Variants in KMT2C observed in about 807,000 individuals in gnomAD.
KMT2C encodes histone-lysine N-methyltransferase 2C.
Under a neutral mutation model 507.9 loss-of-function variants are expected in KMT2C, and 88 were observed. The observed-to-expected ratio is 0.17, with a 90% CI of 0.15 to 0.21. KMT2C has a LOEUF of 0.21. Ranked by LOEUF, KMT2C falls within the 10% of genes least tolerant of loss-of-function variation. The probability of loss-of-function intolerance (pLI) is 1.00; values close to 1 mark genes in which losing one functional copy is unlikely to be tolerated. For missense variants in KMT2C, 4,954 were observed against 5,957.8 expected (o/e 0.83, Z 5.55); for synonymous variants, 2,049 against 2,080.8 (o/e 0.98, Z 0.42).
chr7:152,371,408 A>G (rs2097292390), intron 1 of KMT2C, among the ~76,000 whole-genome samples: 1 of 152,176 alleles, frequency 6.6e-6, no homozygotes, highest in African/African-American at 2.4e-5. Context: ...AAAAGAACCA[A>G]CGCATATCAC....
intron 1 of KMT2C, among the ~76,000 whole-genome samples, chr7:152,387,810 T>C (rs2097445764): frequency 6.6e-6 from 1 of 152,076 alleles, no homozygotes; most frequent in Admixed American, 6.6e-5. Flanking sequence ...TGCCTATGTC[T>C]GTATTTTTTT....
intron 25 of KMT2C, among the ~76,000 whole-genome samples, chr7:152,203,441 G>T (rs1046272112): frequency 6.6e-6 from 1 of 152,020 alleles, no homozygotes; most frequent in East Asian, 1.9e-4. Flanking sequence ...TTTGTAGGGT[G>T]TATTGAGAAT....
intron 56 of KMT2C, 96 bp from the exon 57 acceptor site, chr7:152,139,355 G>A (rs868083672): frequency 9.1e-7 from 1 of 1,101,346 alleles, no homozygotes. Flanking sequence ...AAACTGAACG[G>A]AACGGCAGCC....
At position 152,136,860 on chromosome 7, in the gene KMT2C, G is replaced by A. The variant is rs2129088172; in HGVS notation, c.14708C>T (p.Ala4903Val). Residue 4903 changes from alanine (A) to valine (V), a missense_variant, in exon 59 of 59, where the codon GCT becomes GTT. Around this residue, in one of 29 missense-constraint regions of KMT2C, gnomAD observed 133 missense variants for 258.9 expected, o/e 0.51. Coordinates refer to ENST00000262189, the MANE Select transcript of KMT2C (RefSeq NM_170606.3). ...DQHKIPCHCG[A>V]VNCRKWMN Reference sequence around the variant, plus strand: ...GTTCATCCACTTCCGGCAGTTCACAGCTCCACAGTGACACGGAATCTTGTG... The same window carrying A: ...GTTCATCCACTTCCGGCAGTTCACAACTCCACAGTGACACGGAATCTTGTG... 1 of 1,613,596 alleles carries A rather than the reference G, an allele frequency of 6.2e-7. No homozygotes were observed. The highest frequency in any genetic ancestry group is 1.1e-5 in the South Asian group (1 of 91,080).
At chr7:152,288,252 G>A (rs374873367) in intron 6 of KMT2C, among the ~76,000 whole-genome samples, 1 of 147,506 alleles carries the variant, frequency 6.8e-6, no homozygotes, top group Admixed American at 6.7e-5. Context: ...AAAAAAAAGT[G>A]GCCAGGTGCG....
At position 152,249,875 on chromosome 7, in the gene KMT2C, C is replaced by A; in HGVS notation, c.1813+1G>T. On this transcript the variant is annotated splice_donor_variant, in intron 13 of 58. Coordinates refer to ENST00000262189, the MANE Select transcript of KMT2C (RefSeq NM_170606.3). LOFTEE classifies it high-confidence loss of function. ...TTAGACAATATGAACATACTGCTTA[C>A]CAGCAATAAGAAGACTATCTGTGTC... 1.3e-6 allele frequency: 2 copies of A among 1,539,952 alleles called. No homozygotes were observed. Among genetic ancestry groups the A allele is most frequent in the Non-Finnish European group, 1.8e-6 (2 of 1,113,084 alleles).
intron 18 of KMT2C, among the ~76,000 whole-genome samples, chr7:152,228,673 C>T (rs572474387): frequency 1.3e-5 from 2 of 152,260 alleles, no homozygotes; most frequent in East Asian, 3.9e-4. Context: ...AAATACATTA[C>T]TATCTTGAAA....
intron 6 of KMT2C, among the ~76,000 whole-genome samples, chr7:152,301,080 G>A (rs949934975): frequency 6.6e-6 from 1 of 150,972 alleles, no homozygotes; most frequent in Non-Finnish European, 1.5e-5. Flanking sequence ...AAACTATAAA[G>A]GGCTGGGCGC....
intron 1 of KMT2C, among the ~76,000 whole-genome samples, chr7:152,418,902 G>C (rs2097762266): frequency 6.6e-6 from 1 of 151,766 alleles, no homozygotes; most frequent in African/African-American, 2.4e-5. Context: ...GTTTGAAAGA[G>C]AATAGGTCAG....
chr7:152,388,644 A>G (rs2097457206), intron 1 of KMT2C, among the ~76,000 whole-genome samples: 1 of 152,310 alleles, frequency 6.6e-6, no homozygotes, highest in Non-Finnish European at 1.5e-5. Flanking sequence ...ACTGAGTTCT[A>G]ACCTGAAGAA....
chr7:152,211,601 T>C (rs1328471363), intron 23 of KMT2C, among the ~76,000 whole-genome samples: 3 of 152,110 alleles, frequency 2.0e-5, no homozygotes, highest in Non-Finnish European at 4.4e-5. Flanking sequence ...ATTGATGAGG[T>C]TCATAGTGAC....
At chr7:152,287,095 C>T (rs1372997969) in intron 6 of KMT2C, among the ~76,000 whole-genome samples, 24 of 152,214 alleles carry the variant, frequency 1.6e-4, no homozygotes, top group Admixed American at 1.6e-3. Flanking sequence ...GACATTCATA[C>T]CCACTGAGCA....
intron 2 of KMT2C, among the ~76,000 whole-genome samples, chr7:152,349,321 G>A (rs1011376790): frequency 1.3e-5 from 2 of 152,038 alleles, no homozygotes; most frequent in African/African-American, 4.8e-5. Context: ...GTGCATGCCT[G>A]TAATACCAGC....
intron 31 of KMT2C, among the ~76,000 whole-genome samples, chr7:152,193,745 A>G (rs890008842): frequency 6.6e-6 from 1 of 152,086 alleles, no homozygotes; most frequent in African/African-American, 2.4e-5. Flanking sequence ...TGAGCTGGGA[A>G]TGGGACTTGC....
intron 8 of KMT2C, 26 bp from the exon 9 acceptor site, chr7:152,263,156 T>C (rs2095807330): frequency 3.8e-6 from 6 of 1,572,182 alleles, no homozygotes; most frequent in Non-Finnish European, 5.2e-6. Context: ...GCATTAATGA[T>C]GCCTTATCTT....
Position 152,244,621 on chromosome 7 carries a change from G to C in KMT2C, c.2532+3281C>G, listed in dbSNP as rs559296978. On this transcript the variant is annotated intron_variant, in intron 14 of 58. Coordinates refer to ENST00000262189, the MANE Select transcript of KMT2C (RefSeq NM_170606.3). ...ATGAGAAAATACAACTAGGTCATTAGGACAATTTGTATGAAACAATATCCA... is the reference window on the plus strand; with the variant it reads ...ATGAGAAAATACAACTAGGTCATTACGACAATTTGTATGAAACAATATCCA... 4.6e-5 allele frequency among the ~76,000 whole-genome samples: 7 copies of C among 152,278 alleles called. No individual in the cohort carries two copies. In the South Asian group the frequency reaches 1.5e-3, roughly 32 times the overall value.
At chr7:152,421,436 T>A (rs1296685079) in intron 1 of KMT2C, among the ~76,000 whole-genome samples, 1 of 152,104 alleles carries the variant, frequency 6.6e-6, no homozygotes, top group Non-Finnish European at 1.5e-5. Flanking sequence ...AAGACACACA[T>A]ACACATATGT....
Position 152,357,981 on chromosome 7 carries a change from A to ACTCT in KMT2C, c.250+605_250+606insAGAG, listed in dbSNP as rs1355228341. On this transcript the variant is annotated intron_variant, in intron 2 of 58. Coordinates refer to ENST00000262189, the MANE Select transcript of KMT2C (RefSeq NM_170606.3). ...CTATTGAAAACTTTACCAATGAGAG[A>ACTCT]CTATCTCCTACAGGTATCCTCTCAA... Among the ~76,000 whole-genome samples the ACTCT allele has an allele frequency of 6.0e-4, 91 of 152,322 alleles. 1 individual carries two copies. The Middle Eastern group carries it at 0.024, about 40-fold the overall frequency.
intron 3 of KMT2C, 143 bp from the exon 4 acceptor site, chr7:152,315,481 A>C (rs545287962): frequency 8.4e-5 from 51 of 604,376 alleles, no homozygotes; most frequent in African/African-American, 7.9e-4. Context: ...CAGTCTATTC[A>C]GTGATTACCC....
Sources: allele counts gnomAD v4.1 joint callset (sites outside exome capture counted in the v4.1 genomes callset), GRCh38; gene constraint gnomAD v4.1.1; regional missense constraint gnomAD v4.1.1; transcripts MANE v1.5; gene names NCBI Gene and HGNC (gene_info 2026-07-23, HGNC 2026-07-21).